E2F5: variants seen among roughly 807,000 people sequenced by gnomAD.
E2F5 encodes the protein E2F transcription factor 5.
E2F5 carries 23 observed loss-of-function variants against 39.1 expected under a neutral mutation model. The observed-to-expected ratio is 0.59, with a 90% CI of 0.42 to 0.83. E2F5 has a LOEUF of 0.83. E2F5 is among the 40% of genes least tolerant of loss of function. E2F5 has a pLI of 0.00. For missense variants in E2F5, 365 were observed against 406.7 expected (o/e 0.90, Z 0.88); for synonymous variants, 145 against 157.8 (o/e 0.92, Z 0.61).
chr8:85,209,243 G>T lies in E2F5; in HGVS notation c.717G>T (p.Val239=). 1 of 1,613,940 alleles carries T rather than the reference G, an allele frequency of 6.2e-7. No individual in the cohort carries two copies. Among genetic ancestry groups the T allele is most frequent in the Non-Finnish European group, 8.5e-7 (1 of 1,179,870 alleles). ...AAGAGTCGAGTTCATCTAAGCCCGTGGTTTTTCCTGTTCCCCCACCTGATG... is the reference window on the plus strand; with the variant it reads ...AAGAGTCGAGTTCATCTAAGCCCGTTGTTTTTCCTGTTCCCCCACCTGATG... ...INKESSSSKP[V]VFPVPPPDDL... The change falls in exon 6 of 8, where the codon GTG becomes GTT. Residue 239 remains valine, a synonymous_variant. Transcript: ENST00000416274.
In E2F5 at chr8:85,202,842, G is replaced by T. The variant is rs529769201; in HGVS notation, c.345-252G>T. On this transcript the variant is annotated intron_variant, in intron 2 of 7. Coordinates refer to ENST00000416274, the MANE Select transcript of E2F5 (RefSeq NM_001951.4). ...TTGGTACCCAGTCACCAACCAGTCT[G>T]GCCTTCCAGATGACAAAAAAACACT... Among the ~76,000 whole-genome samples, 53 of 152,208 alleles carry T rather than the reference G, an allele frequency of 3.5e-4. No individual in the cohort carries two copies. In the South Asian group the frequency reaches 0.011, roughly 31 times the overall value.
intron 1 of E2F5, among the ~76,000 whole-genome samples, chr8:85,191,429 T>C (rs1812461442): frequency 6.6e-6 from 1 of 152,196 alleles, no homozygotes; most frequent in African/African-American, 2.4e-5. Context: ...ATTTGAGTGT[T>C]CTTACCACAC....
chr8:85,214,508 A>G lies in E2F5; in HGVS notation c.*646A>G, dbSNP rs1404768737. 2 of 1,209,202 alleles carry G rather than the reference A, an allele frequency of 1.7e-6. No individual in the cohort carries two copies. The highest frequency in any genetic ancestry group is 2.4e-6 in the Non-Finnish European group (2 of 824,844). 74.9% of individuals were successfully genotyped at this position (1,209,202 alleles called of 1,614,324 possible). On this transcript the variant is annotated 3_prime_UTR_variant, in exon 8 of 8. Coordinates refer to ENST00000416274, the MANE Select transcript of E2F5 (RefSeq NM_001951.4). ...AAGATTTTTAAAAATAAAATTGTAT[A>G]AAACATTCAATTTATTGGTCTTTGT...
chr8:85,189,877 A>G (rs1223809656), intron 1 of E2F5, among the ~76,000 whole-genome samples: 1 of 152,166 alleles, frequency 6.6e-6, no homozygotes. Flanking sequence ...AGTCAGAGAA[A>G]TGGGCAGTTC....
intron 3 of E2F5, among the ~76,000 whole-genome samples, chr8:85,205,953 G>A (rs371505928): frequency 5.3e-5 from 8 of 152,116 alleles, no homozygotes; most frequent in East Asian, 1.9e-4. Flanking sequence ...CTCTCCTAAG[G>A]GTCCTCAAAT....
chr8:85,207,349 C>T (rs758061580), intron 4 of E2F5, 76 bp from the exon 5 acceptor site: 14 of 1,290,666 alleles, frequency 1.1e-5, no homozygotes, highest in Non-Finnish European at 1.5e-5. Context: ...ACTCTGATTC[C>T]AGAGCCCACA....
At position 85,181,381 on chromosome 8, in the gene E2F5, A is replaced by G. The variant is rs1812209086; in HGVS notation, c.234+3727A>G. 2.6e-5 allele frequency among the ~76,000 whole-genome samples: 4 copies of G among 151,686 alleles called. No homozygotes were observed. In the South Asian group the frequency reaches 8.3e-4, roughly 32 times the overall value. The stretch of plus-strand genomic sequence containing the variant: ...AGTCTCACTCTGTCACCCAAGCTGG[A>G]GTGCAGTGTCGCGATCTCCACTCGC... On this transcript the variant is annotated intron_variant, in intron 1 of 7. Transcript: ENST00000416274.
Position 85,209,166 on chromosome 8 carries a change from C to A in E2F5, c.640C>A (p.Gln214Lys). 1 of 1,613,840 alleles carries A rather than the reference C, an allele frequency of 6.2e-7. No individual in the cohort carries two copies. Among genetic ancestry groups the A allele is most frequent in the Non-Finnish European group, 8.5e-7 (1 of 1,179,838 alleles). The change falls in exon 6 of 8, where the codon CAG becomes AAG. Residue 214 changes from glutamine (Q) to lysine (K), a missense_variant. Gln to Lys is a moderately conservative substitution (Grantham distance 53). Coordinates refer to ENST00000416274, the MANE Select transcript of E2F5 (RefSeq NM_001951.4). The stretch of plus-strand genomic sequence containing the variant: ...GGGTCAGAATGGACAAAAGAAATAC[C>A]AGATCAATCTAAAGAGTCATTCAGG... Reference protein sequence around the residue: ...EMGQNGQKKYQINLKSHSGPI... With the variant: ...EMGQNGQKKYKINLKSHSGPI...
chr8:85,206,496 G>A (rs569704800), intron 4 of E2F5, among the ~76,000 whole-genome samples: 10 of 152,280 alleles, frequency 6.6e-5, no homozygotes, highest in African/African-American at 1.7e-4. Flanking sequence ...AAATCAGAGC[G>A]GGATTAAGCA....
Position 85,190,332 on chromosome 8 carries a change from G to GT in E2F5, c.235-11804dup, listed in dbSNP as rs111533977. ...CACTTCTCCAAACCGTCTGGTCTTA[G>GT]TTTTTTTTTTTCCTTCTTTTAGATG... is the stretch of plus-strand genomic sequence containing the variant. On this transcript the variant is annotated intron_variant, in intron 1 of 7. Transcript: ENST00000416274. 6.1e-3 allele frequency among the ~76,000 whole-genome samples: 895 copies of GT among 146,578 alleles called. 11 individuals carry two copies. Among genetic ancestry groups the GT allele is most frequent in the African/African-American group, 0.02 (784 of 40,052 alleles).
At chr8:85,185,737 A>C (rs1436990284) in intron 1 of E2F5, among the ~76,000 whole-genome samples, 5 of 152,246 alleles carry the variant, frequency 3.3e-5, no homozygotes, top group Non-Finnish European at 7.3e-5. Flanking sequence ...ACTTTTATGC[A>C]GCCAACAAAC....
chr8:85,213,717 A>G (rs761363931), intron 7 of E2F5, 36 bp from the exon 8 acceptor site: 10 of 1,132,146 alleles, frequency 8.8e-6, no homozygotes, highest in Admixed American at 1.8e-5. Context: ...GTATGTAGAA[A>G]CCATCTTTAA....
chr8:85,209,447 A>G (rs1322096880), intron 6 of E2F5, 38 bp downstream of exon 6: 15 of 1,543,164 alleles, frequency 9.7e-6, no homozygotes, highest in Non-Finnish European at 1.2e-5. Context: ...TTAGAGAGGG[A>G]GAAATATAAA....
At chr8:85,195,618 T>C (rs1465015304) in intron 1 of E2F5, among the ~76,000 whole-genome samples, 2 of 152,186 alleles carry the variant, frequency 1.3e-5, no homozygotes, top group South Asian at 2.1e-4. Context: ...GCCTCCCAAA[T>C]AGCTGGGACT....
chr8:85,190,497 CTTTTTTTT>C (rs34804570), intron 1 of E2F5, among the ~76,000 whole-genome samples: 3 of 70,304 alleles, frequency 4.3e-5, no homozygotes, highest in Non-Finnish European at 7.4e-5. Context: ...GAGATTTTTC[CTTTTTTTT>C]TTTTTTTTTT....
chr8:85,201,428 C>G (rs1451439895), intron 1 of E2F5, among the ~76,000 whole-genome samples: 1 of 152,188 alleles, frequency 6.6e-6, no homozygotes. Flanking sequence ...GAACACACAT[C>G]AAAAATGTGA....
chr8:85,177,841 GACCAGGATGGCACCGAGCGGACGCGTA>G (rs1319611457), intron 1 of E2F5, 187 bp downstream of exon 1: 6 of 1,035,310 alleles, frequency 5.8e-6, no homozygotes, highest in Non-Finnish European at 7.2e-6. Context: ...AGGGACGAGG[GACCAGGATGGCACCGAGCGGACGCGTA>G]ACCAATGGGG....
intron 1 of E2F5, among the ~76,000 whole-genome samples, chr8:85,197,314 G>A (rs1243164505): frequency 6.6e-6 from 1 of 152,182 alleles, no homozygotes; most frequent in Admixed American, 6.5e-5. Flanking sequence ...ACAAGCCTGA[G>A]CCAATGAGCC....
chr8:85,206,195 T>G lies in E2F5; in HGVS notation c.525T>G (p.His175Gln), dbSNP rs754589907. Residue 175 changes from histidine (H) to glutamine (Q), a missense_variant, in exon 4 of 8, where the codon CAT becomes CAG. His to Gln is a conservative substitution (Grantham distance 24). Transcript: ENST00000416274. ...SINNRFSYVT[H>Q]EDICNCFNGD... ...ACAGTACATTTTCCTATGTAACTCA[T>G]GAAGACATCTGTAATTGCTTTAATG... 1.4e-5 allele frequency: 23 copies of G among 1,613,366 alleles called. No homozygotes were observed. The highest frequency in any genetic ancestry group is 1.9e-5 in the Non-Finnish European group (23 of 1,179,654).
Sources: gnomAD v4.1 joint callset for allele counts (sites outside exome capture counted in the v4.1 genomes callset) on GRCh38, gnomAD v4.1.1 for gene constraint, MANE v1.5 for transcripts, NCBI Gene and HGNC (gene_info 2026-07-23, HGNC 2026-07-21) for gene names.